Variants in CNTN5 observed in about 807,000 individuals in gnomAD.
CNTN5 encodes contactin-5.
Under a neutral mutation model 129.1 loss-of-function variants are expected in CNTN5, and 77 were observed. The observed-to-expected ratio is 0.60, with a 90% confidence interval of 0.50 to 0.72. The LOEUF is 0.72. Among genes scored for constraint, CNTN5 ranks in the 30% least tolerant of loss-of-function variants. The pLI, the probability that CNTN5 is intolerant of heterozygous loss-of-function variation, is 0.00. For missense variants in CNTN5, 1,478 were observed against 1,328.8 expected, an observed-to-expected ratio of 1.11 and a Z score of -1.75; for synonymous variants, 509 against 465.6, an observed-to-expected ratio of 1.09 and a Z score of -1.20.
intron 3 of CNTN5, among the ~76,000 whole-genome samples, chr11:99,621,772 G>T (rs593233): frequency 0.97 from 147,528 of 152,288 alleles, 71,629 homozygotes; most frequent in East Asian, 1. Context: ...AAAAGTTGAT[G>T]AGCACACATG....
intron 1 of CNTN5, among the ~76,000 whole-genome samples, chr11:99,221,774 A>G (rs2135703942): frequency 6.6e-6 from 1 of 152,050 alleles, no homozygotes; most frequent in South Asian, 2.1e-4. Flanking sequence ...ACATATACAA[A>G]CACTTCGTAA....
intron 3 of CNTN5, among the ~76,000 whole-genome samples, chr11:99,796,106 G>A (rs1041956768): frequency 6.6e-6 from 1 of 152,170 alleles, no homozygotes; most frequent in African/African-American, 2.4e-5. Context: ...ACTGGCATCT[G>A]TGCACTCAAT....
At chr11:100,251,093 CAG>C (rs1949954036) in intron 16 of CNTN5, among the ~76,000 whole-genome samples, 1 of 152,176 alleles carries the variant, frequency 6.6e-6, no homozygotes, top group South Asian at 2.1e-4. Flanking sequence ...GTCCTCCTGA[CAG>C]AGTTTCATAC....
At chr11:99,400,224 G>T (rs896230673) in intron 2 of CNTN5, among the ~76,000 whole-genome samples, 2 of 151,778 alleles carry the variant, frequency 1.3e-5, no homozygotes, top group African/African-American at 4.8e-5. Context: ...ATCTCCAAGG[G>T]TTCAATAGTT....
At chr11:99,408,900 A>C (rs549174511) in intron 2 of CNTN5, among the ~76,000 whole-genome samples, 1 of 152,330 alleles carries the variant, frequency 6.6e-6, no homozygotes, top group African/African-American at 2.4e-5. Context: ...ATCTGTTGTT[A>C]AGATCATTTT....
chr11:99,645,886 G>T (rs1288596877), intron 3 of CNTN5, among the ~76,000 whole-genome samples: 4 of 152,138 alleles, frequency 2.6e-5, no homozygotes, highest in Non-Finnish European at 5.9e-5. Context: ...CATGATACGT[G>T]TATAGCTATG....
chr11:99,551,406 A>G (rs372851834), intron 2 of CNTN5, among the ~76,000 whole-genome samples: 6 of 152,176 alleles, frequency 3.9e-5, no homozygotes, highest in African/African-American at 1.2e-4. Context: ...TGGAATCTTA[A>G]GACGTGATGG....
chr11:99,326,920 A>G (rs1865808806), intron 2 of CNTN5, among the ~76,000 whole-genome samples: 5 of 152,186 alleles, frequency 3.3e-5, no homozygotes. Context: ...TGATTTAAGA[A>G]TAGGTTACAT....
intron 3 of CNTN5, among the ~76,000 whole-genome samples, chr11:99,685,648 A>T (rs1484504122): frequency 3.9e-5 from 6 of 152,026 alleles, no homozygotes; most frequent in Admixed American, 3.9e-4. Flanking sequence ...GATAGCATAG[A>T]TAAGCAAGCT....
chr11:100,068,969 A>G (rs564754235), intron 10 of CNTN5, among the ~76,000 whole-genome samples: 1 of 152,136 alleles, frequency 6.6e-6, no homozygotes, highest in African/African-American at 2.4e-5. Flanking sequence ...TTGAAGGATG[A>G]ATGTTACAGG....
intron 2 of CNTN5, among the ~76,000 whole-genome samples, chr11:99,532,276 A>T (rs1018935813): frequency 6.6e-6 from 1 of 152,066 alleles, no homozygotes; most frequent in Non-Finnish European, 1.5e-5. Context: ...TGTTTTGGCC[A>T]ATTTCTTCTG....
At chr11:100,223,551 CT>C (rs1359032759) in intron 15 of CNTN5, among the ~76,000 whole-genome samples, 1 of 152,068 alleles carries the variant, frequency 6.6e-6, no homozygotes, top group Non-Finnish European at 1.5e-5. Flanking sequence ...CAACTAAATT[CT>C]TAAATAATTA....
chr11:99,170,475 A>G (rs1282736777), intron 1 of CNTN5, among the ~76,000 whole-genome samples: 1 of 152,180 alleles, frequency 6.6e-6, no homozygotes, highest in East Asian at 1.9e-4. Context: ...TAAGGTCTAA[A>G]TAAGTAAATT....
intron 3 of CNTN5, among the ~76,000 whole-genome samples, chr11:99,770,503 A>G (rs1944907605): frequency 6.6e-6 from 1 of 152,032 alleles, no homozygotes; most frequent in South Asian, 2.1e-4. Flanking sequence ...TAGTGTCTGT[A>G]TATAGTGAAC....
At position 99,681,596 on chromosome 11, in the gene CNTN5, T is replaced by G. The variant is rs536232198; in HGVS notation, c.55+125327T>G. Among the ~76,000 whole-genome samples, 6 of 152,178 alleles carry G rather than the reference T, an allele frequency of 3.9e-5. No individual in the cohort carries two copies. The South Asian group carries it at 1.2e-3, about 31-fold the overall frequency. On this transcript the variant is annotated intron_variant, in intron 3 of 24. Transcript: ENST00000524871. ...GAATGCTACTGTATGCTTAGTGGAC[T>G]AAAGTAAAGTGTAAACATGAATTTT...
At chr11:100,007,868 C>T (rs1190872702) in intron 9 of CNTN5, among the ~76,000 whole-genome samples, 1 of 151,930 alleles carries the variant, frequency 6.6e-6, no homozygotes, top group Non-Finnish European at 1.5e-5. Context: ...TTGCCTTCCT[C>T]ACTAAGCTTA....
intron 12 of CNTN5, 62 bp from the exon 13 acceptor site, chr11:100,074,082 A>G: frequency 7.0e-7 from 1 of 1,434,652 alleles, no homozygotes; most frequent in Non-Finnish European, 9.5e-7. Flanking sequence ...ATCTTCATGA[A>G]TCACCCATTA....
Position 99,034,834 on chromosome 11 carries a change from C to T in CNTN5, c.-210+13564C>T, listed in dbSNP as rs1178474708. 3.5e-5 allele frequency among the ~76,000 whole-genome samples: 5 copies of T among 144,264 alleles called. No homozygotes were observed. The East Asian group carries it at 1.0e-3, about 30-fold the overall frequency. 94.6% of individuals were successfully genotyped at this position (144,264 alleles called of 152,430 possible). On this transcript the variant is annotated intron_variant, in intron 1 of 24. Coordinates refer to ENST00000524871, the MANE Select transcript of CNTN5 (RefSeq NM_014361.4). The stretch of plus-strand genomic sequence containing the variant: ...TAGCTTTTGAATGTGTTTGCTCTTG[C>T]TTTTCTAGTTCTTTTAATTGTGATG...
chr11:99,585,243 A>G (rs976819377), intron 3 of CNTN5, among the ~76,000 whole-genome samples: 2 of 152,232 alleles, frequency 1.3e-5, no homozygotes, highest in African/African-American at 2.4e-5. Context: ...GAGTTTTGGT[A>G]TAGTATCAAA....
Sources: gnomAD v4.1 joint callset for allele counts (sites outside exome capture counted in the v4.1 genomes callset) on GRCh38, gnomAD v4.1.1 for gene constraint, MANE v1.5 for transcripts, NCBI Gene and HGNC (gene_info 2026-07-23, HGNC 2026-07-21) for gene names.